ANKDD1B: variants seen among roughly 807,000 people sequenced by gnomAD.
ANKDD1B encodes ankyrin repeat and death domain-containing protein 1B.
A neutral mutation model predicts 59.7 loss-of-function variants in ANKDD1B; 57 were observed. The ratio of observed to expected loss-of-function variants is 0.95; its 90% CI spans 0.77 to 1.19. ANKDD1B has a LOEUF of 1.19. Among genes scored for constraint, ANKDD1B ranks in the 50% most tolerant of loss-of-function variants. The probability of loss-of-function intolerance (pLI) is 0.00; values close to 1 mark genes in which losing one functional copy is unlikely to be tolerated. For synonymous variants in ANKDD1B, 216 were observed against 239.5 expected (o/e 0.90, Z 0.91); for missense variants, 602 against 641.9 (o/e 0.94, Z 0.67).
At chr5:75,642,297 G>C in intron 7 of ANKDD1B, among the ~76,000 whole-genome samples, 1 of 152,016 alleles carries the variant, frequency 6.6e-6, no homozygotes, top group East Asian at 1.9e-4. Context: ...CGTGAGCGAC[G>C]CAGAAGACAG....
chr5:75,638,307 T>G (rs572776019), intron 7 of ANKDD1B, among the ~76,000 whole-genome samples: 1 of 152,214 alleles, frequency 6.6e-6, no homozygotes, highest in Non-Finnish European at 1.5e-5. Context: ...TTTCAGATTA[T>G]AATAGGTTTC....
At chr5:75,651,907 C>T (rs1297833037) in intron 7 of ANKDD1B, among the ~76,000 whole-genome samples, 1 of 152,204 alleles carries the variant, frequency 6.6e-6, no homozygotes. Flanking sequence ...GGTTTACGGA[C>T]AACTGTCTTG....
chr5:75,661,414 A>AAAAAAAAAAAAAT, intron 10 of ANKDD1B, among the ~76,000 whole-genome samples: 2 of 131,478 alleles, frequency 1.5e-5, no homozygotes, highest in South Asian at 2.7e-4. Flanking sequence ...AAAAAAAAAA[A>AAAAAAAAAAAAAT]AAAAAAAAAA....
chr5:75,613,673 TGAA>T lies in ANKDD1B; in HGVS notation c.193+1851_193+1853del, dbSNP rs373654538. On this transcript the variant is annotated intron_variant, in intron 1 of 13. Coordinates refer to ENST00000601380, the MANE Select transcript of ANKDD1B (RefSeq NM_001276713.2). ...GGAGAAAGGAAAGGATATGACATGT[TGAA>T]GAAGGGAAGACTAGGGAAATGTAGA... Among the ~76,000 whole-genome samples the T allele has an allele frequency of 1.8e-4, 28 of 152,310 alleles. No individual in the cohort carries two copies. In the East Asian group the frequency reaches 5.4e-3, roughly 29 times the overall value.
chr5:75,614,478 G>A (rs1252625791), intron 1 of ANKDD1B, among the ~76,000 whole-genome samples: 1 of 152,196 alleles, frequency 6.6e-6, no homozygotes, highest in East Asian at 1.9e-4. Context: ...AAGCCAGTCA[G>A]TGCTTTTGCT....
At chr5:75,654,994 G>A (rs1774930202) in intron 8 of ANKDD1B, among the ~76,000 whole-genome samples, 1 of 152,016 alleles carries the variant, frequency 6.6e-6, no homozygotes, top group South Asian at 2.1e-4. Flanking sequence ...TCTCTCTCAT[G>A]CCTTAATCGC....
intron 8 of ANKDD1B, among the ~76,000 whole-genome samples, chr5:75,654,595 G>A (rs113776580): frequency 0.018 from 2,726 of 152,132 alleles, 35 homozygotes; most frequent in African/African-American, 0.026. Context: ...TGGGAGGTTC[G>A]CTTGAACCCA....
intron 10 of ANKDD1B, among the ~76,000 whole-genome samples, chr5:75,661,580 T>G (rs1055143449): frequency 6.6e-6 from 1 of 152,132 alleles, no homozygotes; most frequent in African/African-American, 2.4e-5. Context: ...TTTTTAATGC[T>G]GTTGTTTTGT....
At chr5:75,635,597 A>G in intron 6 of ANKDD1B, 187 bp from the exon 7 acceptor site, 1 of 400,950 alleles carries the variant, frequency 2.5e-6, no homozygotes, top group Non-Finnish European at 4.4e-6. Flanking sequence ...TCAAAAAACT[A>G]TACCTTTTTA....
chr5:75,661,559 A>G (rs1775152943), intron 10 of ANKDD1B, among the ~76,000 whole-genome samples: 2 of 152,150 alleles, frequency 1.3e-5, no homozygotes, highest in African/African-American at 4.8e-5. Flanking sequence ...TTTAACATTT[A>G]GCCTTAGTAT....
intron 11 of ANKDD1B, among the ~76,000 whole-genome samples, chr5:75,666,201 G>C (rs1354680733): frequency 6.6e-6 from 1 of 152,144 alleles, no homozygotes; most frequent in Non-Finnish European, 1.5e-5. Flanking sequence ...GCATAGTGCT[G>C]TTGGTCTGAG....
chr5:75,616,822 G>T lies in ANKDD1B; in HGVS notation c.212G>T (p.Ser71Ile). The T allele has an allele frequency of 6.6e-7, 1 of 1,525,172 alleles. No individual in the cohort carries two copies. The highest frequency in any genetic ancestry group is 8.8e-7 in the Non-Finnish European group (1 of 1,138,068). The allele number at this position is 1,525,172 out of a possible 1,614,324, so 94.5% of individuals were successfully genotyped here. The change falls in exon 2 of 14, where the codon AGC becomes ATC. Residue 71 changes from serine (S) to isoleucine (I), a missense_variant. By Grantham distance (142) the Ser-to-Ile change is moderately radical (BLOSUM62 -2). Transcript: ENST00000601380. ...CTTTCAGTACTCCCAAATGAGAGAA[G>T]CTTTCAGAATGCTGCTAAAAGCAAT... ...GHELLLPNER[S>I]FQNAAKSNNL...
At chr5:75,660,771 AT>A (rs1775116046) in intron 10 of ANKDD1B, among the ~76,000 whole-genome samples, 1 of 152,188 alleles carries the variant, frequency 6.6e-6, no homozygotes, top group Non-Finnish European at 1.5e-5. Flanking sequence ...GATTGGAGAG[AT>A]TCTGATGACA....
intron 7 of ANKDD1B, among the ~76,000 whole-genome samples, chr5:75,644,146 C>T (rs1579956847): frequency 9.9e-6 from 1 of 100,508 alleles, no homozygotes; most frequent in South Asian, 3.3e-4. Context: ...CAAAATCATG[C>T]CAAAATGTAA....
At chr5:75,662,157 T>C (rs900369448) in intron 10 of ANKDD1B, among the ~76,000 whole-genome samples, 1 of 152,142 alleles carries the variant, frequency 6.6e-6, no homozygotes, top group Non-Finnish European at 1.5e-5. Flanking sequence ...TCCTTTGAAC[T>C]TGGAAACTCT....
At position 75,659,263 on chromosome 5, in the gene ANKDD1B, C is replaced by G; in HGVS notation, c.997-20C>G. On this transcript the variant is annotated intron_variant, in intron 9 of 13. Transcript: ENST00000601380. ...TCTTTTCACCGTCCAAGTTTGTTCCCCTCCTTAATTTCATGGCAGAAGCAG... is the reference window on the plus strand; with the variant it reads ...TCTTTTCACCGTCCAAGTTTGTTCCGCTCCTTAATTTCATGGCAGAAGCAG... 6.6e-7 allele frequency: 1 copy of G among 1,520,896 alleles called. No individual in the cohort carries two copies. The highest frequency in any genetic ancestry group is 8.8e-7 in the Non-Finnish European group (1 of 1,133,214). 94.2% of individuals were successfully genotyped at this position (1,520,896 alleles called of 1,614,324 possible).
chr5:75,656,057 T>C lies in ANKDD1B; in HGVS notation c.926T>C (p.Val309Ala). 6.6e-7 allele frequency: 1 copy of C among 1,519,898 alleles called. No homozygotes were observed. Among genetic ancestry groups the C allele is most frequent in the Non-Finnish European group, 8.8e-7 (1 of 1,132,364 alleles). The allele number at this position is 1,519,898 out of a possible 1,614,324, so 94.2% of individuals were successfully genotyped here. The change falls in exon 9 of 14, where the codon GTT becomes GCT. Residue 309 changes from valine to alanine, a missense_variant. Val to Ala is a moderately conservative substitution (Grantham distance 64, BLOSUM62 0). Around this residue, in one of 3 missense-constraint regions of ANKDD1B, gnomAD observed 280 missense variants for 319.8 expected, o/e 0.88. Coordinates refer to ENST00000601380, the MANE Select transcript of ANKDD1B (RefSeq NM_001276713.2). The part of the protein sequence containing the change: ...EPKESPLHLV[V>A]INNHITVVNS... ...AAGGAGTCCCCTCTTCATTTAGTTG[T>C]TATCAACAACCACATCACGGTTGTA...
intron 3 of ANKDD1B, among the ~76,000 whole-genome samples, chr5:75,622,310 AC>A (rs1322926141): frequency 6.6e-6 from 1 of 152,172 alleles, no homozygotes; most frequent in Non-Finnish European, 1.5e-5. Context: ...CTCAGGCCCC[AC>A]CCCAGGCCTT....
In ANKDD1B at chr5:75,611,705, C is replaced by T. The variant is rs781047925; in HGVS notation, c.71C>T (p.Ala24Val). 2.2e-5 allele frequency: 27 copies of T among 1,231,830 alleles called. No homozygotes were observed. Among genetic ancestry groups the T allele is most frequent in the Non-Finnish European group, 2.7e-5 (27 of 988,098 alleles). The allele number at this position is 1,231,830 out of a possible 1,614,324, so 76.3% of individuals were successfully genotyped here. The change falls in exon 1 of 14, where the codon GCC (alanine) becomes GTC (valine). Residue 24 changes from alanine to valine, a missense_variant. Transcript: ENST00000601380. Reference sequence around the variant, plus strand: ...GGGCTGCTGCTCCGGGCTGCTGCGGCCGCCAAGGGTCTCAGGGAAGACCTG... The same window carrying T: ...GGGCTGCTGCTCCGGGCTGCTGCGGTCGCCAAGGGTCTCAGGGAAGACCTG... ...AGGLLLRAAA[A>V]AKGLREDLWG...
Sources: allele counts gnomAD v4.1 joint callset (sites outside exome capture counted in the v4.1 genomes callset), GRCh38; gene constraint gnomAD v4.1.1; regional missense constraint gnomAD v4.1.1; transcripts MANE v1.5; gene names NCBI Gene and HGNC (gene_info 2026-07-23, HGNC 2026-07-21).